The following THEM6 variants were observed in gnomAD, a reference collection of about 807,000 sequenced individuals.
THEM6 encodes the protein thioesterase superfamily member 6, also known as protein THEM6.
In THEM6, 10 loss-of-function variants were observed where a neutral mutation model predicts 13.7. That is an observed-to-expected ratio of 0.73 (90% CI 0.45 to 1.24). The LOEUF is 1.24. Ranked by LOEUF, THEM6 falls within the 50% of genes most tolerant of loss-of-function variation. The pLI is 0.00. For synonymous variants in THEM6, 161 were observed against 156.0 expected, an observed-to-expected ratio of 1.03 and a Z score of -0.24; for missense variants, 317 against 312.6, an observed-to-expected ratio of 1.01 and a Z score of -0.11.
intron 1 of THEM6, among the ~76,000 whole-genome samples, chr8:142,732,929 AGTT>A (rs1815685490): frequency 6.6e-6 from 1 of 152,224 alleles, no homozygotes; most frequent in Non-Finnish European, 1.5e-5. Context: ...AAGAAACAGC[AGTT>A]GAACATAAAT....
chr8:142,732,161 A>AATATATATGTATAT (rs1815658945), intron 1 of THEM6, among the ~76,000 whole-genome samples: 3 of 37,218 alleles, frequency 8.1e-5, no homozygotes, highest in Non-Finnish European at 1.9e-4. Flanking sequence ...GGGAGTTTTG[A>AATATATATGTATAT]ATATATATAT....
chr8:142,728,844 A>G (rs1554642688), intron 1 of THEM6, among the ~76,000 whole-genome samples: 1 of 151,868 alleles, frequency 6.6e-6, no homozygotes, highest in African/African-American at 2.4e-5. Context: ...CAATGCTTGT[A>G]TATATGGGGA....
rs1341912393 is a variant in THEM6 at position 142,735,345 on chromosome 8, C to T, written c.533C>T (p.Pro178Leu). 36 of 1,563,788 alleles carry T rather than the reference C, an allele frequency of 2.3e-5. No homozygotes were observed. The highest frequency in any genetic ancestry group is 3.0e-5 in the Non-Finnish European group (35 of 1,154,326). ...CQRRVEPPEL[P>L]ADLQHWISYN... is the part of the protein sequence containing the mutation. Reference sequence around the variant, plus strand: ...CTGCAGGTGGAGCCCCCTGAGCTGCCCGCTGATCTGCAGCACTGGATCTCC... The same window carrying T: ...CTGCAGGTGGAGCCCCCTGAGCTGCTCGCTGATCTGCAGCACTGGATCTCC... Residue 178 changes from proline (P) to leucine (L), a missense_variant, in exon 2 of 2, where the codon CCC (proline) becomes CTC (leucine). Physicochemically the swap from Pro to Leu is moderately conservative, Grantham distance 98 (BLOSUM62 -3). Coordinates refer to ENST00000336138, the MANE Select transcript of THEM6 (RefSeq NM_016647.3).
Position 142,727,394 on chromosome 8 carries a change from T to C in THEM6, c.48T>C (p.Phe16=). Reference sequence around the variant, plus strand: ...TGCTGGCCCTGGGGCTCGCTGTCTTTGCGCTGCTGGACGTCTGGTACCTGG... The same window carrying C: ...TGCTGGCCCTGGGGCTCGCTGTCTTCGCGCTGCTGGACGTCTGGTACCTGG... ...VALLALGLAV[F]ALLDVWYLVR... Residue 16 remains phenylalanine (F), a synonymous_variant, in exon 1 of 2, where the codon TTT becomes TTC. Coordinates refer to ENST00000336138, the MANE Select transcript of THEM6 (RefSeq NM_016647.3). 1 of 1,529,280 alleles carries C rather than the reference T, an allele frequency of 6.5e-7. No homozygotes were observed. The highest frequency in any genetic ancestry group is 8.7e-7 in the Non-Finnish European group (1 of 1,144,444). 94.7% of individuals were successfully genotyped at this position (1,529,280 alleles called of 1,614,324 possible). A position where few individuals can be genotyped will look rare whatever the true frequency, so the allele number is the denominator to read the frequency against.
At chr8:142,732,835 G>A (rs1815682371) in intron 1 of THEM6, among the ~76,000 whole-genome samples, 1 of 152,074 alleles carries the variant, frequency 6.6e-6, no homozygotes, top group South Asian at 2.1e-4. Flanking sequence ...CATGAGAGAG[G>A]AACAGAGACC....
intron 1 of THEM6, among the ~76,000 whole-genome samples, chr8:142,733,711 T>C (rs936870486): frequency 8.5e-5 from 13 of 152,238 alleles, no homozygotes; most frequent in Admixed American, 2.0e-4. Context: ...ATCGGAGATA[T>C]GTCTCAGTCA....
At chr8:142,732,498 A>G (rs1815671470) in intron 1 of THEM6, among the ~76,000 whole-genome samples, 1 of 151,696 alleles carries the variant, frequency 6.6e-6, no homozygotes, top group Non-Finnish European at 1.5e-5. Flanking sequence ...GGACCCACTC[A>G]CTGTCCAGCA....
chr8:142,727,389 G>A lies in THEM6; in HGVS notation c.43G>A (p.Val15Ile). 1 of 1,527,960 alleles carries A rather than the reference G, an allele frequency of 6.5e-7. No homozygotes were observed. The highest frequency in any genetic ancestry group is 1.2e-5 in the South Asian group (1 of 83,474). 94.7% of individuals were successfully genotyped at this position (1,527,960 alleles called of 1,614,324 possible). The change falls in exon 1 of 2, where the codon GTC becomes ATC. Residue 15 changes from valine (V) to isoleucine (I), a missense_variant. Val to Ile is a conservative substitution (Grantham distance 29). Transcript: ENST00000336138. ...LVALLALGLAVFALLDVWYLV... is the reference protein window; with the variant it reads ...LVALLALGLAIFALLDVWYLV... ...GGCGTTGCTGGCCCTGGGGCTCGCT[G>A]TCTTTGCGCTGCTGGACGTCTGGTA...
At chr8:142,727,940 C>G (rs181805960) in intron 1 of THEM6, 81 bp downstream of exon 1, 1 of 1,335,442 alleles carries the variant, frequency 7.5e-7, no homozygotes, top group South Asian at 1.8e-5. Flanking sequence ...GGCCCCCTCC[C>G]CTAGGGAAGG....
Position 142,735,350 on chromosome 8 carries a change from G to A in THEM6, c.538G>A (p.Asp180Asn), listed in dbSNP as rs776347291. 6.4e-7 allele frequency: 1 copy of A among 1,568,764 alleles called. No individual in the cohort carries two copies. Among genetic ancestry groups the A allele is most frequent in the Non-Finnish European group, 8.6e-7 (1 of 1,157,056 alleles). The stretch of plus-strand genomic sequence containing the variant: ...GGTGGAGCCCCCTGAGCTGCCCGCT[G>A]ATCTGCAGCACTGGATCTCCTACAA... ...RRVEPPELPA[D>N]LQHWISYNEA... Residue 180 changes from aspartate (D) to asparagine (N), a missense_variant, in exon 2 of 2, where the codon GAT (aspartate) becomes AAT (asparagine). Physicochemically the swap from Asp to Asn is conservative, Grantham distance 23. Coordinates refer to ENST00000336138, the MANE Select transcript of THEM6 (RefSeq NM_016647.3).
chr8:142,730,486 G>A (rs782056352), intron 1 of THEM6, among the ~76,000 whole-genome samples: 2 of 152,124 alleles, frequency 1.3e-5, no homozygotes, highest in East Asian at 1.9e-4. Context: ...GATGCCTCCC[G>A]CTCCATTCCT....
chr8:142,733,754 C>G (rs912997761), intron 1 of THEM6, among the ~76,000 whole-genome samples: 1 of 152,204 alleles, frequency 6.6e-6, no homozygotes, highest in Non-Finnish European at 1.5e-5. Flanking sequence ...AGGATAAGGA[C>G]TCACCAGTCC....
In THEM6 at chr8:142,727,858, G is replaced by C. The variant is rs970914000; in HGVS notation, c.512G>C (p.Arg171Thr). The change falls in exon 1 of 2, where the codon AGG becomes ACG. Residue 171 changes from arginine to threonine, a missense_variant and splice_region_variant. By Grantham distance (71) the Arg-to-Thr change is moderately conservative (BLOSUM62 -1). Transcript: ENST00000336138. ...ERVVQHLCQR[R>T]VEPPELPADL... ...GTCGTGCAGCACCTGTGCCAGCGCAGGGTGAGCGGCCCCCGCCCCTGGCCC... is the reference window on the plus strand; with the variant it reads ...GTCGTGCAGCACCTGTGCCAGCGCACGGTGAGCGGCCCCCGCCCCTGGCCC... 50 of 1,406,008 alleles carry C rather than the reference G, an allele frequency of 3.6e-5. 1 individual carries two copies. The highest frequency in any genetic ancestry group is 2.6e-4 in the Middle Eastern group (1 of 3,920). The allele number at this position is 1,406,008 out of a possible 1,614,324, so 87.1% of individuals were successfully genotyped here. A position where few individuals can be genotyped will look rare whatever the true frequency, so the allele number is the denominator to read the frequency against.
rs1563824219 is a variant in THEM6, at chr8:142,736,373, GT to G, written c.*935del. 1.3e-5 allele frequency: 2 copies of G among 152,426 alleles called. No individual in the cohort carries two copies. The highest frequency in any genetic ancestry group is 4.8e-5 in the African/African-American group (2 of 41,454). The allele number at this position is 152,426 out of a possible 1,614,324, so 9.4% of individuals were successfully genotyped here. On this transcript the variant is annotated 3_prime_UTR_variant, in exon 2 of 2. Coordinates refer to ENST00000336138, the MANE Select transcript of THEM6 (RefSeq NM_016647.3). Reference sequence around the variant, plus strand: ...CCCCTCTCTGGCCTGGCCGGCAGGCGTCTTCTTAACTCCTCTGTCCTCTATA... The same window carrying G: ...CCCCTCTCTGGCCTGGCCGGCAGGCGCTTCTTAACTCCTCTGTCCTCTATA...
At chr8:142,732,354 A>G (rs1815668002) in intron 1 of THEM6, among the ~76,000 whole-genome samples, 1 of 149,192 alleles carries the variant, frequency 6.7e-6, no homozygotes, top group African/African-American at 2.5e-5. Context: ...CATACTTCCC[A>G]CTTGTGTTGT....
chr8:142,729,443 TC>T (rs1326674078), intron 1 of THEM6, among the ~76,000 whole-genome samples: 3 of 152,214 alleles, frequency 2.0e-5, no homozygotes, highest in African/African-American at 7.2e-5. Context: ...GAATATTTAA[TC>T]CATTTCAGCC....
intron 1 of THEM6, among the ~76,000 whole-genome samples, chr8:142,732,558 G>A (rs587632204): frequency 1.3e-5 from 2 of 152,136 alleles, no homozygotes; most frequent in East Asian, 3.9e-4. Context: ...AGGGTTGTCT[G>A]TGATCATTCA....
intron 1 of THEM6, among the ~76,000 whole-genome samples, chr8:142,732,020 C>T (rs1815655501): frequency 6.6e-6 from 1 of 151,194 alleles, no homozygotes; most frequent in African/African-American, 2.4e-5. Flanking sequence ...TTTTTCCTGT[C>T]TGCTGGTCTT....
Position 142,727,690 on chromosome 8 carries a change from A to G in THEM6, c.344A>G (p.Glu115Gly). The change falls in exon 1 of 2, where the codon GAG becomes GGG. Residue 115 changes from glutamate to glycine, a missense_variant. Glu to Gly is a moderately conservative substitution (Grantham distance 98). Transcript: ENST00000336138. Reference sequence around the variant, plus strand: ...CACCGCCGCTCGCTGCGCCTGCTGGAGCCCTTCGAGGTGCGCACCCGCCTG... The same window carrying G: ...CACCGCCGCTCGCTGCGCCTGCTGGGGCCCTTCGAGGTGCGCACCCGCCTG... ...ARHRRSLRLL[E>G]PFEVRTRLLG... 1 of 1,431,110 alleles carries G rather than the reference A, an allele frequency of 7.0e-7. No individual in the cohort carries two copies. Among genetic ancestry groups the G allele is most frequent in the Non-Finnish European group, 9.1e-7 (1 of 1,104,222 alleles). The allele number at this position is 1,431,110 out of a possible 1,614,324, so 88.7% of individuals were successfully genotyped here. A position where few individuals can be genotyped will look rare whatever the true frequency, so the allele number is the denominator to read the frequency against.
Sources: allele counts gnomAD v4.1 joint callset (sites outside exome capture counted in the v4.1 genomes callset), GRCh38; gene constraint gnomAD v4.1.1; transcripts MANE v1.5; gene names NCBI Gene and HGNC (gene_info 2026-07-23, HGNC 2026-07-21).